GRM8: variants seen among roughly 807,000 people sequenced by gnomAD.
GRM8 encodes the protein metabotropic glutamate receptor 8.
In GRM8, 47 loss-of-function variants were observed where a neutral mutation model predicts 87.2. The ratio of observed to expected loss-of-function variants is 0.54; its 90% CI spans 0.43 to 0.69. The LOEUF is 0.69. Ranked by LOEUF, GRM8 falls within the 30% of genes least tolerant of loss-of-function variation. The pLI is 0.00. For synonymous variants in GRM8, 396 were observed against 404.5 expected (o/e 0.98, Z 0.25); for missense variants, 1,019 against 1,139.2 (o/e 0.89, Z 1.52).
intron 3 of GRM8, among the ~76,000 whole-genome samples, chr7:126,935,644 G>A (rs1806233925): frequency 6.6e-6 from 1 of 152,226 alleles, no homozygotes; most frequent in South Asian, 2.1e-4. Context: ...AGGCACAGGT[G>A]TGCACACTAG....
intron 10 of GRM8, among the ~76,000 whole-genome samples, chr7:126,442,595 G>A (rs1429503522): frequency 2.6e-5 from 4 of 151,866 alleles, no homozygotes; most frequent in Admixed American, 2.0e-4. Context: ...AAAGAATTAT[G>A]GTTGAAATAG....
At chr7:127,100,284 C>A (rs1296734079) in intron 3 of GRM8, among the ~76,000 whole-genome samples, 2 of 152,144 alleles carry the variant, frequency 1.3e-5, no homozygotes, top group African/African-American at 4.8e-5. Context: ...TGCATTCTGG[C>A]AAAAGTTCCT....
intron 9 of GRM8, among the ~76,000 whole-genome samples, chr7:126,530,334 G>A (rs1161423563): frequency 1.3e-5 from 2 of 152,210 alleles, no homozygotes; most frequent in Non-Finnish European, 2.9e-5. Context: ...CCAATGCACA[G>A]CTGCAGAATG....
chr7:126,461,119 C>G (rs1232835362), intron 9 of GRM8, among the ~76,000 whole-genome samples: 5 of 151,362 alleles, frequency 3.3e-5, no homozygotes, highest in Non-Finnish European at 7.4e-5. Flanking sequence ...TTCTTAGGTC[C>G]TGAATAGTCC....
intron 3 of GRM8, among the ~76,000 whole-genome samples, chr7:127,015,001 A>AAAG (rs538403014): frequency 0.076 from 4,522 of 59,550 alleles, 418 homozygotes; most frequent in East Asian, 0.1. Flanking sequence ...GAAGAAGAAG[A>AAAG]AAGAAGAAGA....
At chr7:126,863,633 C>T (rs1798332046) in intron 6 of GRM8, among the ~76,000 whole-genome samples, 1 of 152,208 alleles carries the variant, frequency 6.6e-6, no homozygotes, top group Admixed American at 6.5e-5. Context: ...TGGATATTTG[C>T]GTTTTCAGAG....
chr7:126,480,039 T>C (rs148638268), intron 9 of GRM8, among the ~76,000 whole-genome samples: 10 of 152,152 alleles, frequency 6.6e-5, no homozygotes, highest in Admixed American at 2.0e-4. Flanking sequence ...ATAAATTATA[T>C]AACTAGACTG....
chr7:127,203,886 T>C (rs911783516), intron 2 of GRM8, among the ~76,000 whole-genome samples: 1 of 151,872 alleles, frequency 6.6e-6, no homozygotes, highest in Middle Eastern at 3.2e-3. Flanking sequence ...AAAAAAAAAC[T>C]CCATAACTAG....
intron 9 of GRM8, among the ~76,000 whole-genome samples, chr7:126,497,308 A>T (rs1808911734): frequency 6.6e-6 from 1 of 152,074 alleles, no homozygotes; most frequent in East Asian, 2.0e-4. Flanking sequence ...AGCCTTAAAA[A>T]CTATTTAAAT....
chr7:127,247,929 C>T (rs1483518927), intron 1 of GRM8, among the ~76,000 whole-genome samples: 2 of 152,132 alleles, frequency 1.3e-5, no homozygotes, highest in African/African-American at 2.4e-5. Flanking sequence ...CTCTTCTACA[C>T]AAGCCAGCCT....
intron 9 of GRM8, among the ~76,000 whole-genome samples, chr7:126,493,438 A>G (rs1012042144): frequency 1.3e-5 from 2 of 152,036 alleles, no homozygotes; most frequent in Non-Finnish European, 2.9e-5. Context: ...CAGAGAAGAG[A>G]GTAGCATGTA....
At chr7:126,681,878 C>A (rs185098550) in intron 7 of GRM8, among the ~76,000 whole-genome samples, 70 of 152,276 alleles carry the variant, frequency 4.6e-4, no homozygotes, top group African/African-American at 1.6e-3. Flanking sequence ...ACTTTGAAGG[C>A]TGTTTCCTTC....
intron 2 of GRM8, among the ~76,000 whole-genome samples, chr7:127,116,626 A>G (rs1210315858): frequency 6.6e-6 from 1 of 152,358 alleles, no homozygotes; most frequent in East Asian, 1.9e-4. Context: ...AGCTTCCCTG[A>G]TGAAGTGACA....
intron 3 of GRM8, among the ~76,000 whole-genome samples, chr7:127,039,142 T>C (rs989198908): frequency 5.9e-5 from 9 of 152,350 alleles, no homozygotes; most frequent in African/African-American, 2.2e-4. Context: ...GTAGGTGTTA[T>C]GGGATGCACT....
chr7:127,108,644 A>T (rs1826043691), intron 2 of GRM8, among the ~76,000 whole-genome samples: 2 of 152,212 alleles, frequency 1.3e-5, no homozygotes, highest in Admixed American at 1.3e-4. Context: ...GTGAAAATTG[A>T]GTGTTTGAAA....
intron 6 of GRM8, among the ~76,000 whole-genome samples, chr7:126,809,631 AATT>A (rs1283106057): frequency 2.6e-5 from 4 of 152,104 alleles, no homozygotes; most frequent in Admixed American, 2.6e-4. Flanking sequence ...CCATCCACAA[AATT>A]ATTATCCTTA....
intron 8 of GRM8, among the ~76,000 whole-genome samples, chr7:126,566,012 T>C (rs906229701): frequency 6.6e-6 from 1 of 152,176 alleles, no homozygotes; most frequent in Non-Finnish European, 1.5e-5. Flanking sequence ...GCACTTTTAT[T>C]ATTGCCATAT....
chr7:126,819,711 C>T (rs1187320265), intron 6 of GRM8, among the ~76,000 whole-genome samples: 1 of 151,900 alleles, frequency 6.6e-6, no homozygotes, highest in Admixed American at 6.6e-5. Context: ...CAACAAAATA[C>T]ATTCTAGAAA....
intron 6 of GRM8, among the ~76,000 whole-genome samples, chr7:126,818,291 G>A (rs1026837178): frequency 5.9e-5 from 9 of 152,076 alleles, no homozygotes; most frequent in South Asian, 2.1e-4. Context: ...CTTAGGAAAC[G>A]TAACTTGAGA....
Sources: gnomAD v4.1 joint callset for allele counts (sites outside exome capture counted in the v4.1 genomes callset) on GRCh38, gnomAD v4.1.1 for gene constraint, MANE v1.5 for transcripts, NCBI Gene and HGNC (gene_info 2026-07-23, HGNC 2026-07-21) for gene names.